Variants in CEMIP observed in about 807,000 individuals in gnomAD.
CEMIP encodes the protein cell migration-inducing and hyaluronan-binding protein.
In CEMIP, 105 loss-of-function variants were observed where a neutral mutation model predicts 156.9. That is an observed-to-expected ratio of 0.67 (90% confidence interval 0.57 to 0.79). The LOEUF (loss-of-function observed/expected upper bound fraction) is 0.79. Among genes scored for constraint, CEMIP ranks in the 30% least tolerant of loss-of-function variants. The probability of loss-of-function intolerance (pLI) is 0.00; values close to 1 mark genes in which losing one functional copy is unlikely to be tolerated. For synonymous variants in CEMIP, 676 were observed against 668.4 expected (o/e 1.01, Z -0.17); for missense variants, 1,457 against 1,769.4 (o/e 0.82, Z 3.17).
chr15:80,792,049 A>G lies in CEMIP; in HGVS notation c.-176+12435A>G, dbSNP rs1347950209. 4.6e-5 allele frequency among the ~76,000 whole-genome samples: 7 copies of G among 152,302 alleles called. No homozygotes were observed. The East Asian group carries it at 1.3e-3, about 29-fold the overall frequency. ...ATCAGACATTTGGGTGATTTTAGCA[A>G]AATAAACCCACCCACAAATATTCTT... On this transcript the variant is annotated intron_variant, in intron 1 of 29. Coordinates refer to ENST00000394685, the MANE Select transcript of CEMIP (RefSeq NM_001293298.2).
intron 16 of CEMIP, among the ~76,000 whole-genome samples, chr15:80,921,530 G>A (rs1226698750): frequency 1.3e-5 from 2 of 152,154 alleles, no homozygotes; most frequent in African/African-American, 4.8e-5. Flanking sequence ...ACATGCCCAG[G>A]GGCACACGTA....
At chr15:80,928,299 A>AT (rs933360557) in intron 19 of CEMIP, among the ~76,000 whole-genome samples, 3 of 152,094 alleles carry the variant, frequency 2.0e-5, no homozygotes, top group African/African-American at 7.2e-5. Flanking sequence ...CCCCAGAAGC[A>AT]TGCTCATCTG....
intron 28 of CEMIP, among the ~76,000 whole-genome samples, chr15:80,945,921 A>C (rs1567114087): frequency 6.6e-6 from 1 of 152,256 alleles, no homozygotes; most frequent in Non-Finnish European, 1.5e-5. Flanking sequence ...TCCCAAGTCG[A>C]ACTTTTGCAA....
At position 80,906,814 on chromosome 15, in the gene CEMIP, C is replaced by G; in HGVS notation, c.1563C>G (p.Phe521Leu). ...YRNHICNFFD[F>L]DTFGGHIKFA... ...ACCACATCTGCAATTTCTTTGACTT[C>G]GATACCTTTGGGGGCCACATCAAGG... Residue 521 changes from phenylalanine to leucine, a missense_variant, in exon 13 of 30, where the codon TTC (phenylalanine) becomes TTG (leucine). Around this residue, in one of 5 missense-constraint regions of CEMIP, gnomAD observed 280 missense variants for 300.3 expected, o/e 0.93. Transcript: ENST00000394685. This position sits in a 1 kb window ranked among gnomAD's most constrained non-coding sequence, Gnocchi z 4.3. The G allele has an allele frequency of 6.2e-7, 1 of 1,613,930 alleles. No homozygotes were observed. The highest frequency in any genetic ancestry group is 1.1e-5 in the South Asian group (1 of 91,034).
At position 80,880,962 on chromosome 15, in the gene CEMIP, G is replaced by C. The variant is rs901075306; in HGVS notation, c.443G>C (p.Gly148Ala). Residue 148 changes from glycine (G) to alanine (A), a missense_variant, in exon 6 of 30, where the codon GGA becomes GCA. Physicochemically the swap from Gly to Ala is moderately conservative, Grantham distance 60. Around this residue, in one of 5 missense-constraint regions of CEMIP, gnomAD observed 309 missense variants for 340.8 expected, o/e 0.91. Transcript: ENST00000394685. The part of the protein sequence containing the change: ...YGLKYIGVGK[G>A]GALELHGQKK... ...CTGAAGTACATTGGGGTTGGTAAAG[G>C]AGGCGCTCTTGAGTTGCATGGACAG... The C allele has an allele frequency of 1.2e-6, 2 of 1,614,234 alleles. No individual in the cohort carries two copies. The highest frequency in any genetic ancestry group is 2.7e-5 in the African/African-American group (2 of 75,066).
intron 1 of CEMIP, among the ~76,000 whole-genome samples, chr15:80,861,605 T>A (rs1046306988): frequency 6.6e-6 from 1 of 152,184 alleles, no homozygotes; most frequent in South Asian, 2.1e-4. Flanking sequence ...TGAGGAGTGA[T>A]GTGGGTCTTG....
intron 1 of CEMIP, among the ~76,000 whole-genome samples, chr15:80,850,766 C>T (rs1370079059): frequency 1.3e-5 from 2 of 152,192 alleles, no homozygotes; most frequent in East Asian, 3.9e-4. Flanking sequence ...CAGCTCACCC[C>T]CTTACTCATC....
intron 1 of CEMIP, among the ~76,000 whole-genome samples, chr15:80,795,811 T>A (rs914352893): frequency 6.6e-6 from 1 of 152,110 alleles, no homozygotes; most frequent in African/African-American, 2.4e-5. Context: ...ACATGTATAG[T>A]CCTGGCTACT....
chr15:80,846,689 G>C (rs556946937), intron 1 of CEMIP, among the ~76,000 whole-genome samples: 1 of 152,134 alleles, frequency 6.6e-6, no homozygotes, highest in Non-Finnish European at 1.5e-5. Flanking sequence ...CGGTGGTCCC[G>C]ATGCCACTAG....
At chr15:80,877,700 C>T (rs552001869) in intron 3 of CEMIP, among the ~76,000 whole-genome samples, 2 of 152,340 alleles carry the variant, frequency 1.3e-5, no homozygotes, top group African/African-American at 4.8e-5. Context: ...GCCTTGTTAG[C>T]TATGTGAACA....
intron 10 of CEMIP, 72 bp downstream of exon 10, chr15:80,889,664 T>C: frequency 6.3e-7 from 1 of 1,583,164 alleles, no homozygotes; most frequent in Middle Eastern, 1.8e-4. Context: ...ATCACAGACA[T>C]TCTTGTCACT....
chr15:80,931,942 A>C lies in CEMIP; in HGVS notation c.2696A>C (p.Glu899Ala), dbSNP rs1158070698. ...ACTTTCCGAAAGTTTGTGGCCCTGG[A>C]GGGCCGGCACACCAGCGCCCTGGCC... ...NCTFRKFVAL[E>A]GRHTSALAFR... The change falls in exon 22 of 30, where the codon GAG becomes GCG. Residue 899 changes from glutamate (E) to alanine (A), a missense_variant. This residue lies in a region of CEMIP where 798 missense variants were observed against 980.1 expected (regional missense o/e 0.81). Transcript: ENST00000394685. 6.2e-7 allele frequency: 1 copy of C among 1,614,108 alleles called. No homozygotes were observed. The highest frequency in any genetic ancestry group is 8.5e-7 in the Non-Finnish European group (1 of 1,180,048).
chr15:80,878,064 G>A (rs557824296), intron 3 of CEMIP, among the ~76,000 whole-genome samples: 3 of 152,300 alleles, frequency 2.0e-5, no homozygotes, highest in Non-Finnish European at 2.9e-5. Context: ...TAGCAACTCC[G>A]TAGATGTAAC....
In CEMIP at chr15:80,895,858, T is replaced by C; in HGVS notation, c.1220-11T>C. On this transcript the variant is annotated splice_polypyrimidine_tract_variant and intron_variant, in intron 11 of 29. Transcript: ENST00000394685. Reference sequence around the variant, plus strand: ...GGGCTCTATCTCAGTCTTTCCTGTTTTGGGTTACAGTGAGGCCCAAACTCA... The same window carrying C: ...GGGCTCTATCTCAGTCTTTCCTGTTCTGGGTTACAGTGAGGCCCAAACTCA... 1.2e-6 allele frequency: 2 copies of C among 1,614,092 alleles called. No homozygotes were observed. The highest frequency in any genetic ancestry group is 1.7e-6 in the Non-Finnish European group (2 of 1,179,936).
At chr15:80,919,829 T>G (rs1231234899) in intron 14 of CEMIP, among the ~76,000 whole-genome samples, 3 of 147,094 alleles carry the variant, frequency 2.0e-5, no homozygotes, top group Non-Finnish European at 4.5e-5. Flanking sequence ...AAAAAAAAAG[T>G]CACCATCCCA....
chr15:80,900,150 G>A (rs1249419037), intron 12 of CEMIP, among the ~76,000 whole-genome samples: 1 of 152,210 alleles, frequency 6.6e-6, no homozygotes, highest in African/African-American at 2.4e-5. Flanking sequence ...GTCCTGACAA[G>A]GCAGCTGTGG....
At chr15:80,848,446 G>A (rs934604875) in intron 1 of CEMIP, among the ~76,000 whole-genome samples, 2 of 152,176 alleles carry the variant, frequency 1.3e-5, no homozygotes, top group African/African-American at 2.4e-5. Context: ...TGTGGCTCAG[G>A]AAAAGCTGTG....
rs141123024 is a variant in CEMIP at position 80,940,794 on chromosome 15, T to A, written c.3408-1055T>A. Among the ~76,000 whole-genome samples, 75 of 152,314 alleles carry A rather than the reference T, an allele frequency of 4.9e-4. 1 individual carries two copies. The East Asian group carries it at 7.9e-3, about 16-fold the overall frequency. On this transcript the variant is annotated intron_variant, in intron 25 of 29. Transcript: ENST00000394685. Reference sequence around the variant, plus strand: ...CCAAGACAGCAGGGAGGAGGTAGCCTGCCTACCCCTTGTGTCTCTCCATCT... The same window carrying A: ...CCAAGACAGCAGGGAGGAGGTAGCCAGCCTACCCCTTGTGTCTCTCCATCT...
At chr15:80,801,240 C>A (rs1474252746) in intron 1 of CEMIP, among the ~76,000 whole-genome samples, 2 of 152,254 alleles carry the variant, frequency 1.3e-5, no homozygotes, top group Non-Finnish European at 2.9e-5. Context: ...TCCTGTGGGT[C>A]AACCAGCTGG....
Sources: gnomAD v4.1 joint callset for allele counts (sites outside exome capture counted in the v4.1 genomes callset) on GRCh38, gnomAD v4.1.1 for gene constraint, gnomAD v4.1.1 regional missense constraint, Gnocchi (gnomAD v3.1) non-coding constraint, MANE v1.5 for transcripts, NCBI Gene and HGNC (gene_info 2026-07-23, HGNC 2026-07-21) for gene names.